WNT7B: variants seen among roughly 807,000 people sequenced by gnomAD.
The protein encoded by WNT7B is protein Wnt-7b.
WNT7B carries 19 observed loss-of-function variants against 38.2 expected under a neutral mutation model. The ratio of observed to expected loss-of-function variants is 0.50; its 90% CI spans 0.35 to 0.73. The LOEUF (loss-of-function observed/expected upper bound fraction) is 0.73, where lower values mean the gene tolerates loss of function less well. Among genes scored for constraint, WNT7B ranks in the 30% least tolerant of loss-of-function variants. The pLI is 0.01. For missense variants in WNT7B, 423 were observed against 507.9 expected, an observed-to-expected ratio of 0.83 and a Z score of 1.61; for synonymous variants, 243 against 209.3, an observed-to-expected ratio of 1.16 and a Z score of -1.39.
At chr22:45,942,672 G>A (rs1411163835) in intron 2 of WNT7B, among the ~76,000 whole-genome samples, 1 of 152,228 alleles carries the variant, frequency 6.6e-6, no homozygotes, top group Non-Finnish European at 1.5e-5. Flanking sequence ...TTACACGAAG[G>A]TGATAGCAGC....
chr22:45,929,807 C>CCCACTCATCTATCTAT (rs1203876482), intron 3 of WNT7B, among the ~76,000 whole-genome samples: 1 of 133,052 alleles, frequency 7.5e-6, no homozygotes, highest in Non-Finnish European at 1.7e-5. Flanking sequence ...CAACCATCTA[C>CCCACTCATCTATCTAT]CCATCCATCT....
intron 2 of WNT7B, among the ~76,000 whole-genome samples, chr22:45,938,184 A>G (rs1286342640): frequency 6.6e-6 from 1 of 152,238 alleles, no homozygotes; most frequent in African/African-American, 2.4e-5. Context: ...CACGCAGGTC[A>G]TCATGTGAAG....
chr22:45,940,459 C>T (rs1759700517), intron 2 of WNT7B, among the ~76,000 whole-genome samples: 2 of 152,208 alleles, frequency 1.3e-5, no homozygotes, highest in Non-Finnish European at 2.9e-5. Flanking sequence ...TGACACTCTA[C>T]ACACGCGCGA....
At chr22:45,932,424 C>A (rs543786226) in intron 2 of WNT7B, among the ~76,000 whole-genome samples, 2 of 152,224 alleles carry the variant, frequency 1.3e-5, no homozygotes, top group South Asian at 2.1e-4. Context: ...AGACCCCCCC[C>A]GCCAGAAGGG....
chr22:45,928,000 G>A (rs1372335672), intron 3 of WNT7B, among the ~76,000 whole-genome samples: 1 of 152,220 alleles, frequency 6.6e-6, no homozygotes, highest in Non-Finnish European at 1.5e-5. Context: ...ACTGGGAGCT[G>A]AGGAATGCTG....
intron 1 of WNT7B, chr22:45,972,208 G>T (rs1213632354): frequency 6.2e-6 from 4 of 648,318 alleles, no homozygotes; most frequent in African/African-American, 5.8e-5. Flanking sequence ...AGACGGAGAC[G>T]AGCGCGCTGC....
At chr22:45,953,598 A>G (rs1488205080) in intron 1 of WNT7B, among the ~76,000 whole-genome samples, 1 of 152,220 alleles carries the variant, frequency 6.6e-6, no homozygotes, top group Non-Finnish European at 1.5e-5. Context: ...AGACATTTCT[A>G]CAAAGAAGAT....
intron 3 of WNT7B, 29 bp from the exon 4 acceptor site, chr22:45,923,364 CGGCAT>C (rs746530761): frequency 2.8e-5 from 44 of 1,572,350 alleles, no homozygotes; most frequent in Middle Eastern, 1.7e-4. Flanking sequence ...CTGCTCGGCA[CGGCAT>C]GGCCCAAGCT....
intron 3 of WNT7B, chr22:45,926,606 T>A: frequency 2.0e-6 from 2 of 985,372 alleles, no homozygotes; most frequent in Non-Finnish European, 1.2e-6. Flanking sequence ...AGAAGGCACC[T>A]CACCCTGGAT....
intron 1 of WNT7B, chr22:45,972,310 C>A (rs1472710922): frequency 2.0e-6 from 1 of 499,172 alleles, no homozygotes; most frequent in South Asian, 2.8e-5. Flanking sequence ...AGGCCGGGGT[C>A]CCCGCGGAGC....
Position 45,976,585 on chromosome 22 carries a change from G to A in WNT7B, c.71+99C>T, listed in dbSNP as rs1193950535. The A allele has an allele frequency of 2.3e-6, 3 of 1,304,972 alleles. No homozygotes were observed. Among genetic ancestry groups the A allele is most frequent in the Non-Finnish European group, 3.2e-6 (3 of 931,330 alleles). The allele number at this position is 1,304,972 out of a possible 1,614,324, so 80.8% of individuals were successfully genotyped here. ...CCCCGGAGCCCAGAGAGCTGCAGTG[G>A]CCCCCTCCAGTCCCCACGTCCCCAC... On this transcript the variant is annotated intron_variant, in intron 1 of 3. Transcript: ENST00000339464. This position sits in a 1 kb window ranked among gnomAD's most constrained non-coding sequence, Gnocchi z 8.5.
chr22:45,971,411 C>T (rs937230519), intron 1 of WNT7B, among the ~76,000 whole-genome samples: 6 of 152,228 alleles, frequency 3.9e-5, no homozygotes, highest in African/African-American at 1.2e-4. Context: ...CCACTGCGCG[C>T]CCCCTGGGCT....
rs113218393 is a variant in WNT7B at position 45,976,443 on chromosome 22, G to C, written c.71+241C>G. 1.3e-5 allele frequency among the ~76,000 whole-genome samples: 2 copies of C among 151,918 alleles called. No individual in the cohort carries two copies. The highest frequency in any genetic ancestry group is 4.1e-4 in the South Asian group (2 of 4,822). On this transcript the variant is annotated intron_variant, in intron 1 of 3. Transcript: ENST00000339464. The surrounding 1 kb of genome is among the most constrained non-coding windows in gnomAD (Gnocchi z 8.5). ...TCGCCGCTACCCGCGAGCCCGGCCGGACCGCCCGCGCGCCCCGCTCTCTCT... is the reference window on the plus strand; with the variant it reads ...TCGCCGCTACCCGCGAGCCCGGCCGCACCGCCCGCGCGCCCCGCTCTCTCT...
At chr22:45,963,466 T>C (rs1173628165) in intron 1 of WNT7B, among the ~76,000 whole-genome samples, 3 of 152,170 alleles carry the variant, frequency 2.0e-5, no homozygotes, top group Admixed American at 6.5e-5. Flanking sequence ...TTGACTGAAG[T>C]GGCCCGAGGT....
chr22:45,954,054 T>A (rs1393024440), intron 1 of WNT7B, among the ~76,000 whole-genome samples: 1 of 152,202 alleles, frequency 6.6e-6, no homozygotes, highest in African/African-American at 2.4e-5. Flanking sequence ...GGTCCATCTA[T>A]ACAATGGAAC....
chr22:45,956,134 A>G (rs1932054999), intron 1 of WNT7B, among the ~76,000 whole-genome samples: 1 of 152,170 alleles, frequency 6.6e-6, no homozygotes, highest in Admixed American at 6.5e-5. Context: ...TTAGCCAGGT[A>G]CCAGGCCAGC....
intron 3 of WNT7B, among the ~76,000 whole-genome samples, chr22:45,924,689 GT>G (rs1931021992): frequency 6.6e-6 from 1 of 151,848 alleles, no homozygotes; most frequent in African/African-American, 2.4e-5. Context: ...GGTGCTGGGG[GT>G]CCCAAAGGCT....
At chr22:45,928,288 C>T (rs1305552410) in intron 3 of WNT7B, among the ~76,000 whole-genome samples, 3 of 152,142 alleles carry the variant, frequency 2.0e-5, no homozygotes, top group Admixed American at 1.3e-4. Flanking sequence ...GGATTCAGTG[C>T]TTATGGAAAG....
At chr22:45,925,232 GGTGGGTGCTGT>G in intron 3 of WNT7B, 1 of 983,106 alleles carries the variant, frequency 1.0e-6, no homozygotes, top group South Asian at 4.7e-5. Flanking sequence ...AGTCTCATCA[GGTGGGTGCTGT>G]GTGGGCCCTA....
Sources: allele counts gnomAD v4.1 joint callset (sites outside exome capture counted in the v4.1 genomes callset), GRCh38; gene constraint gnomAD v4.1.1; non-coding constraint Gnocchi (gnomAD v3.1); transcripts MANE v1.5; gene names NCBI Gene and HGNC (gene_info 2026-07-23, HGNC 2026-07-21).